The following GABRA1 variants were observed in gnomAD, a reference collection of about 807,000 sequenced individuals.
The protein encoded by GABRA1 is gamma-aminobutyric acid type A receptor subunit alpha1, also known as gamma-aminobutyric acid receptor subunit alpha-1.
In GABRA1, 9 loss-of-function variants were observed where a neutral mutation model predicts 48.9. The observed-to-expected ratio is 0.18, with a 90% CI of 0.11 to 0.32. GABRA1 has a LOEUF of 0.32. Ranked by LOEUF, GABRA1 falls within the 10% of genes least tolerant of loss-of-function variation. The pLI is 1.00. For synonymous variants in GABRA1, 210 were observed against 198.7 expected (o/e 1.06, Z -0.48); for missense variants, 285 against 553.8 (o/e 0.51, Z 4.87).
chr5:161,895,915 T>A (rs1345433425), intron 9 of GABRA1, 47 bp downstream of exon 9: 10 of 1,496,680 alleles, frequency 6.7e-6, no homozygotes, highest in Non-Finnish European at 9.3e-6. Flanking sequence ...TATGTCTCTT[T>A]AAACCTATGA....
intron 3 of GABRA1, among the ~76,000 whole-genome samples, chr5:161,862,819 A>G (rs142276842): frequency 4.2e-4 from 64 of 152,094 alleles, no homozygotes; most frequent in African/African-American, 1.4e-3. Context: ...CTCCAATGCT[A>G]TGTAGTCATT....
intron 4 of GABRA1, among the ~76,000 whole-genome samples, chr5:161,866,729 T>G (rs1411768190): frequency 1.3e-5 from 2 of 152,164 alleles, no homozygotes; most frequent in Non-Finnish European, 2.9e-5. Flanking sequence ...AGACCTTTTT[T>G]GTCATTTGAC....
At chr5:161,889,706 G>T (rs1581213969) in intron 7 of GABRA1, among the ~76,000 whole-genome samples, 1 of 151,986 alleles carries the variant, frequency 6.6e-6, no homozygotes, top group East Asian at 1.9e-4. Context: ...TAGAGCTTGA[G>T]TCACTTTATA....
At position 161,897,317 on chromosome 5, in the gene GABRA1, G is replaced by A. The variant is rs753473056; in HGVS notation, c.1266G>A (p.Leu422=). 2.5e-6 allele frequency: 4 copies of A among 1,614,010 alleles called. No homozygotes were observed. In the African/African-American group the frequency reaches 5.3e-5, roughly 22 times the overall value. ...ACAGTGTCAGCAAAATTGACCGACT[G>A]TCAAGAATAGCCTTCCCGCTGCTAT... is the stretch of plus-strand genomic sequence containing the variant. The part of the protein sequence containing the change: ...TFNSVSKIDR[L]SRIAFPLLFG... The change falls in exon 10 of 10, where the codon CTG becomes CTA. Residue 422 remains leucine, a synonymous_variant. Coordinates refer to ENST00000393943, the MANE Select transcript of GABRA1 (RefSeq NM_001127644.2).
chr5:161,880,399 C>T (rs1222748202), intron 6 of GABRA1, among the ~76,000 whole-genome samples: 2 of 152,154 alleles, frequency 1.3e-5, no homozygotes, highest in Non-Finnish European at 2.9e-5. Flanking sequence ...AACTAGTGTG[C>T]TCTGCCTTCT....
At chr5:161,859,082 A>G in intron 3 of GABRA1, among the ~76,000 whole-genome samples, 1 of 151,656 alleles carries the variant, frequency 6.6e-6, no homozygotes, top group East Asian at 1.9e-4. Context: ...TTTCCTGTAA[A>G]TGTTGTAGAT....
At chr5:161,880,781 C>A (rs1333762006) in intron 6 of GABRA1, among the ~76,000 whole-genome samples, 1 of 152,120 alleles carries the variant, frequency 6.6e-6, no homozygotes, top group Non-Finnish European at 1.5e-5. Context: ...GACTGAAAGG[C>A]ATGGCTCACA....
At chr5:161,884,033 T>A (rs2113420306) in intron 7 of GABRA1, among the ~76,000 whole-genome samples, 1 of 152,274 alleles carries the variant, frequency 6.6e-6, no homozygotes, top group Non-Finnish European at 1.5e-5. Context: ...GGCAAGTCAT[T>A]TGTTCAGTTG....
chr5:161,853,869 C>G (rs907320816), intron 2 of GABRA1: 3 of 247,024 alleles, frequency 1.2e-5, no homozygotes, highest in African/African-American at 6.7e-5. Flanking sequence ...CTTGCTTGCT[C>G]AGAGAAGACG....
At chr5:161,859,021 C>T (rs1288241652) in intron 3 of GABRA1, among the ~76,000 whole-genome samples, 1 of 151,814 alleles carries the variant, frequency 6.6e-6, no homozygotes, top group East Asian at 1.9e-4. Context: ...AGAGAATGGC[C>T]TACCTTTATC....
chr5:161,874,744 T>C (rs1271564380), intron 5 of GABRA1, among the ~76,000 whole-genome samples: 4 of 152,162 alleles, frequency 2.6e-5, no homozygotes, highest in Admixed American at 1.3e-4. Context: ...AAATCTATCT[T>C]ACTACGTTTC....
chr5:161,872,952 C>T, intron 4 of GABRA1, 165 bp from the exon 5 acceptor site: 1 of 642,754 alleles, frequency 1.6e-6, no homozygotes, highest in South Asian at 1.8e-5. Flanking sequence ...ACCAGTGATT[C>T]TCCTGACATC....
chr5:161,873,729 G>C (rs969289035), intron 5 of GABRA1, among the ~76,000 whole-genome samples: 1 of 152,028 alleles, frequency 6.6e-6, no homozygotes, highest in Non-Finnish European at 1.5e-5. Flanking sequence ...AATATGGAAA[G>C]TTACAAAATT....
At chr5:161,895,891 T>C (rs372882201) in intron 9 of GABRA1, 23 bp downstream of exon 9, 115 of 1,572,538 alleles carry the variant, frequency 7.3e-5, no homozygotes, top group Non-Finnish European at 9.0e-5. Flanking sequence ...ATGGTCACTG[T>C]AGTACATCAA....
chr5:161,881,902 G>GA (rs1355328689), intron 6 of GABRA1: 628 of 58,280 alleles, frequency 0.011, 4 homozygotes, highest in African/African-American at 0.031. Flanking sequence ...ATCAAAAAAA[G>GA]AAAAAAAAAA....
intron 4 of GABRA1, among the ~76,000 whole-genome samples, chr5:161,870,946 CTGTGTGTGTGTGTGTGTGTGTGTG>C (rs59726286): frequency 3.5e-5 from 5 of 141,412 alleles, no homozygotes; most frequent in African/African-American, 8.2e-5. Context: ...GAGTGTTGCT[CTGTGTGTGTGTGTGTGTGTGTGTG>C]TGTGTGTGTG....
At position 161,899,137 on chromosome 5, in the gene GABRA1, T is replaced by C. The variant is rs1755505312; in HGVS notation, c.*1715T>C. On this transcript the variant is annotated 3_prime_UTR_variant, in exon 10 of 10. Coordinates refer to ENST00000393943, the MANE Select transcript of GABRA1 (RefSeq NM_001127644.2). The stretch of plus-strand genomic sequence containing the variant: ...TAAACACACTTAGAATACTACAGCA[T>C]AAATCTGTTAGCATTATTGCCAAAT... The C allele has an allele frequency of 6.6e-6, 1 of 152,584 alleles. No homozygotes were observed. Among genetic ancestry groups the C allele is most frequent in the African/African-American group, 2.4e-5 (1 of 41,470 alleles). The allele number at this position is 152,584 out of a possible 1,614,324, so 9.5% of individuals were successfully genotyped here.
At chr5:161,881,572 G>C (rs943232744) in intron 6 of GABRA1, among the ~76,000 whole-genome samples, 1 of 152,176 alleles carries the variant, frequency 6.6e-6, no homozygotes, top group African/African-American at 2.4e-5. Context: ...AAAGAGGAGA[G>C]TAAACTCAGA....
chr5:161,856,065 A>G (rs1002466116), intron 3 of GABRA1, among the ~76,000 whole-genome samples: 3 of 151,326 alleles, frequency 2.0e-5, no homozygotes, highest in Non-Finnish European at 4.4e-5. Flanking sequence ...AATTGCATAG[A>G]ATAACTCTTT....
Sources: gnomAD v4.1 joint callset for allele counts (sites outside exome capture counted in the v4.1 genomes callset) on GRCh38, gnomAD v4.1.1 for gene constraint, MANE v1.5 for transcripts, NCBI Gene and HGNC (gene_info 2026-07-23, HGNC 2026-07-21) for gene names.